RARB: variants seen among roughly 807,000 people sequenced by gnomAD.
RARB encodes the protein HBV-activated protein.
A neutral mutation model predicts 51.9 loss-of-function variants in RARB; 17 were observed. The observed-to-expected ratio is 0.33, with a 90% CI of 0.22 to 0.49. The LOEUF (loss-of-function observed/expected upper bound fraction) is 0.49, where lower values mean the gene tolerates loss of function less well. Ranked by LOEUF, RARB falls within the 20% of genes least tolerant of loss-of-function variation. The pLI, the probability that RARB is intolerant of heterozygous loss-of-function variation, is 0.99. For synonymous variants in RARB, 215 were observed against 195.4 expected (o/e 1.10, Z -0.84); for missense variants, 369 against 550.8 (o/e 0.67, Z 3.30).
At chr3:25,166,250 T>C (rs760582390) in intron 4 of RARB, among the ~76,000 whole-genome samples, 4 of 152,198 alleles carry the variant, frequency 2.6e-5, no homozygotes, top group Non-Finnish European at 5.9e-5. Context: ...ATGCTGAATA[T>C]ACGAGAGGTT....
intron 2 of RARB, among the ~76,000 whole-genome samples, chr3:24,937,594 C>CGT (rs935278074): frequency 7.9e-5 from 12 of 152,204 alleles, no homozygotes; most frequent in Non-Finnish European, 7.4e-5. Flanking sequence ...AAAGCAGTAG[C>CGT]GTGCGATACG....
In RARB at chr3:24,871,960, C is replaced by T. The variant is rs567256970; in HGVS notation, c.-380+13208C>T. On this transcript the variant is annotated intron_variant, in intron 2 of 11. Transcript: ENST00000383772. ...TCCCCTATCATCACCCTGGTCTGAT[C>T]CACGGTCATCTCTTGACTTTGAAAA... is the stretch of plus-strand genomic sequence containing the variant. Among the ~76,000 whole-genome samples the T allele has an allele frequency of 5.7e-3, 864 of 152,264 alleles. 5 individuals carry two copies. Among genetic ancestry groups the T allele is most frequent in the Middle Eastern group, 0.024 (7 of 294 alleles).
At chr3:25,363,960 T>G (rs534653757) in intron 5 of RARB, among the ~76,000 whole-genome samples, 1 of 152,340 alleles carries the variant, frequency 6.6e-6, no homozygotes, top group African/African-American at 2.4e-5. Flanking sequence ...AGATCTTTCC[T>G]TAACTTCCTT....
At chr3:24,911,426 A>G (rs1032277105) in intron 2 of RARB, among the ~76,000 whole-genome samples, 1 of 152,248 alleles carries the variant, frequency 6.6e-6, no homozygotes, top group Admixed American at 6.5e-5. Flanking sequence ...CTGACATCTG[A>G]AAGAAAACTC....
intron 2 of RARB, among the ~76,000 whole-genome samples, chr3:24,915,039 A>G (rs1248648112): frequency 6.6e-6 from 1 of 152,240 alleles, no homozygotes; most frequent in African/African-American, 2.4e-5. Context: ...TTTGAAACAT[A>G]GAAGTAGTCA....
At chr3:24,839,862 A>C (rs1575030816) in intron 1 of RARB, among the ~76,000 whole-genome samples, 1 of 152,310 alleles carries the variant, frequency 6.6e-6, no homozygotes, top group East Asian at 1.9e-4. Context: ...AAAAGAATGA[A>C]TCGAAGTGCA....
At chr3:25,451,863 G>C (rs1249549291) in intron 1 of RARB, among the ~76,000 whole-genome samples, 1 of 152,206 alleles carries the variant, frequency 6.6e-6, no homozygotes, top group Non-Finnish European at 1.5e-5. Flanking sequence ...TACTCTGTGT[G>C]CAGGAAATTC....
chr3:25,092,265 T>A (rs574956248), intron 3 of RARB, among the ~76,000 whole-genome samples: 2 of 152,332 alleles, frequency 1.3e-5, no homozygotes, highest in East Asian at 3.9e-4. Context: ...TTGTGATGTT[T>A]GAGCTCTTTT....
chr3:24,833,584 A>G (rs980440955), intron 1 of RARB, among the ~76,000 whole-genome samples: 2 of 152,216 alleles, frequency 1.3e-5, no homozygotes, highest in Non-Finnish European at 2.9e-5. Context: ...CATATCTAAC[A>G]TTTTACACAC....
chr3:25,524,080 G>A (rs1698528534), intron 3 of RARB, among the ~76,000 whole-genome samples: 1 of 152,182 alleles, frequency 6.6e-6, no homozygotes, highest in Non-Finnish European at 1.5e-5. Context: ...CTGCAGCTAG[G>A]AAGGAATTTG....
intron 5 of RARB, among the ~76,000 whole-genome samples, chr3:25,240,611 C>T (rs765623875): frequency 8.5e-5 from 13 of 152,052 alleles, no homozygotes; most frequent in Non-Finnish European, 1.5e-4. Flanking sequence ...GTCCTTCATT[C>T]TATTGATGTA....
chr3:25,119,709 G>GA (rs1289653558), intron 3 of RARB, among the ~76,000 whole-genome samples: 5 of 151,568 alleles, frequency 3.3e-5, no homozygotes, highest in Non-Finnish European at 7.4e-5. Context: ...CAATACTAAG[G>GA]AAATTAACTT....
intron 2 of RARB, among the ~76,000 whole-genome samples, chr3:24,996,501 T>G (rs1240543977): frequency 6.6e-6 from 1 of 152,072 alleles, no homozygotes; most frequent in Non-Finnish European, 1.5e-5. Flanking sequence ...ATTTTGAGTT[T>G]TGCTTATCCT....
chr3:25,389,161 C>T (rs1023970790), intron 5 of RARB, among the ~76,000 whole-genome samples: 13 of 152,128 alleles, frequency 8.5e-5, no homozygotes, highest in African/African-American at 3.1e-4. Flanking sequence ...GTGGCAGAAA[C>T]AATCTGTCCG....
intron 4 of RARB, among the ~76,000 whole-genome samples, chr3:25,575,212 T>TG (rs2125296383): frequency 6.6e-6 from 1 of 152,302 alleles, no homozygotes; most frequent in African/African-American, 2.4e-5. Context: ...ATGCCGCCGC[T>TG]GATCTGAAGG....
chr3:25,578,393 C>A (rs1339414972), intron 4 of RARB, among the ~76,000 whole-genome samples: 2 of 152,216 alleles, frequency 1.3e-5, no homozygotes, highest in African/African-American at 4.8e-5. Flanking sequence ...ACAGGCTCCT[C>A]TCTCTCAGCC....
At chr3:24,987,021 G>C (rs891134050) in intron 2 of RARB, among the ~76,000 whole-genome samples, 1 of 152,058 alleles carries the variant, frequency 6.6e-6, no homozygotes, top group Non-Finnish European at 1.5e-5. Flanking sequence ...AAAAATACGG[G>C]TTTGAAAACA....
At chr3:25,154,275 C>T (rs1214329907) in intron 4 of RARB, among the ~76,000 whole-genome samples, 2 of 152,178 alleles carry the variant, frequency 1.3e-5, no homozygotes, top group African/African-American at 4.8e-5. Flanking sequence ...CTTTCTGAAG[C>T]CTTTTGCTCC....
At chr3:25,174,206 A>G (rs1394589636) in exon 5 of RARB, 8 of 301,830 alleles carry the variant, frequency 2.7e-5, no homozygotes, top group South Asian at 7.1e-5. Flanking sequence ...TCCTGTAATC[A>G]GTGTAGCAAA....
Sources: gnomAD v4.1 joint callset for allele counts (sites outside exome capture counted in the v4.1 genomes callset) on GRCh38, gnomAD v4.1.1 for gene constraint, MANE v1.5 for transcripts, NCBI Gene and HGNC (gene_info 2026-07-23, HGNC 2026-07-21) for gene names.